Variants in ZNF536 observed in about 807,000 individuals in gnomAD.
The protein encoded by ZNF536 is zinc finger protein 536.
Under a neutral mutation model 84.5 loss-of-function variants are expected in ZNF536, and 13 were observed. The observed-to-expected ratio is 0.15, with a 90% confidence interval of 0.10 to 0.24. The LOEUF is 0.24. ZNF536 is among the 10% of genes least tolerant of loss of function. The pLI is 1.00. For missense variants in ZNF536, 1,536 were observed against 1,747.5 expected (o/e 0.88, Z 2.16); for synonymous variants, 811 against 742.5 (o/e 1.09, Z -1.50).
chr19:30,359,084 G>A (rs534976664), intron 3 of ZNF536, among the ~76,000 whole-genome samples: 125 of 152,312 alleles, frequency 8.2e-4, no homozygotes, highest in South Asian at 3.9e-3. Context: ...AGTGTGGGCC[G>A]AGTTTGTCCA....
At chr19:30,669,832 C>T (rs755075388) in intron 1 of ZNF536, among the ~76,000 whole-genome samples, 1 of 152,214 alleles carries the variant, frequency 6.6e-6, no homozygotes, top group Non-Finnish European at 1.5e-5. Context: ...CCGCTTTGTT[C>T]AATGACGTAT....
At chr19:30,551,931 CT>C (rs1427930921) in intron 4 of ZNF536, among the ~76,000 whole-genome samples, 3 of 152,134 alleles carry the variant, frequency 2.0e-5, no homozygotes, top group African/African-American at 7.2e-5. Flanking sequence ...TTGCAGTCCT[CT>C]TCTTATTTTC....
At chr19:30,670,667 G>A (rs931163625) in intron 1 of ZNF536, among the ~76,000 whole-genome samples, 2 of 152,174 alleles carry the variant, frequency 1.3e-5, no homozygotes, top group African/African-American at 4.8e-5. Flanking sequence ...GCTCTTCCTC[G>A]TGGAGTCTGA....
chr19:30,232,212 A>T (rs962939691), intron 1 of ZNF536, among the ~76,000 whole-genome samples: 17 of 152,296 alleles, frequency 1.1e-4, no homozygotes, highest in African/African-American at 3.6e-4. Flanking sequence ...GTGCCTGGTG[A>T]TAAGGGCTGC....
At chr19:30,435,051 A>C (rs1215212244) in intron 1 of ZNF536, among the ~76,000 whole-genome samples, 12 of 146,502 alleles carry the variant, frequency 8.2e-5, no homozygotes, top group Non-Finnish European at 1.5e-4. Context: ...GGTGGTGATG[A>C]TGATGCTGAT....
chr19:30,492,115 G>T (rs142179404), intron 2 of ZNF536, among the ~76,000 whole-genome samples: 1 of 152,000 alleles, frequency 6.6e-6, no homozygotes, highest in African/African-American at 2.4e-5. Context: ...TGGGCAGGTC[G>T]GATCATGAAG....
intron 1 of ZNF536, among the ~76,000 whole-genome samples, chr19:30,234,776 C>T (rs536123658): frequency 2.7e-4 from 41 of 151,842 alleles, no homozygotes; most frequent in African/African-American, 8.0e-4. Context: ...CACACACACG[C>T]GCACACGCAC....
intron 3 of ZNF536, among the ~76,000 whole-genome samples, chr19:30,543,814 G>A (rs2045433719): frequency 6.6e-6 from 1 of 152,154 alleles, no homozygotes; most frequent in East Asian, 1.9e-4. Context: ...GCCCTCTGAG[G>A]AAAGAATGCC....
At chr19:30,656,492 G>T (rs933759176) in intron 1 of ZNF536, among the ~76,000 whole-genome samples, 5 of 152,174 alleles carry the variant, frequency 3.3e-5, no homozygotes, top group African/African-American at 1.2e-4. Flanking sequence ...CTGTCTCCCT[G>T]TGCCCTGTGC....
intron 1 of ZNF536, among the ~76,000 whole-genome samples, chr19:30,647,811 C>T (rs770885183): frequency 9.2e-5 from 14 of 152,224 alleles, no homozygotes; most frequent in African/African-American, 1.4e-4. Context: ...CCTTTGCTAG[C>T]GAAACTGTTT....
rs1485540431 is a variant in ZNF536 at position 30,710,423 on chromosome 19, C to T, written c.170-334C>T. 3.3e-5 allele frequency among the ~76,000 whole-genome samples: 5 copies of T among 152,144 alleles called. No individual in the cohort carries two copies. In the East Asian group the frequency reaches 9.6e-4, roughly 29 times the overall value. On this transcript the variant is annotated intron_variant, in intron 1 of 1. Coordinates refer to the ZNF536 transcript ENST00000592773. ...TGGGCATTGTGGTGTACCTGTAGTC[C>T]CAGCTACTCTGGAGGCTAAGGCGGG... is the stretch of plus-strand genomic sequence containing the variant.
At chr19:30,500,134 T>A (rs934249833) in intron 2 of ZNF536, among the ~76,000 whole-genome samples, 1 of 152,258 alleles carries the variant, frequency 6.6e-6, no homozygotes, top group African/African-American at 2.4e-5. Flanking sequence ...TTTCTTGGGA[T>A]GGGCTTGAGT....
intron 2 of ZNF536, among the ~76,000 whole-genome samples, chr19:30,495,342 C>T (rs1351527925): frequency 6.6e-6 from 1 of 152,164 alleles, no homozygotes; most frequent in Non-Finnish European, 1.5e-5. Flanking sequence ...CTTGTGGTGT[C>T]TCTGAGCTTG....
chr19:30,483,842 G>A (rs1355800632), intron 2 of ZNF536, among the ~76,000 whole-genome samples: 1 of 152,066 alleles, frequency 6.6e-6, no homozygotes, highest in African/African-American at 2.4e-5. Context: ...GCCCACCTCT[G>A]CAGCTGTGCC....
chr19:30,399,199 G>A (rs943971925), intron 1 of ZNF536, among the ~76,000 whole-genome samples: 2 of 152,132 alleles, frequency 1.3e-5, no homozygotes, highest in Non-Finnish European at 2.9e-5. Context: ...ATGTTTGTCA[G>A]CTGCATAAAT....
chr19:30,453,078 C>A (rs991533595), intron 2 of ZNF536, among the ~76,000 whole-genome samples: 1 of 152,150 alleles, frequency 6.6e-6, no homozygotes, highest in Non-Finnish European at 1.5e-5. Context: ...CTTTTGCTGG[C>A]AGGATGGGGC....
chr19:30,699,749 G>C (rs1285976107), intron 1 of ZNF536, among the ~76,000 whole-genome samples: 1 of 152,102 alleles, frequency 6.6e-6, no homozygotes, highest in Non-Finnish European at 1.5e-5. Context: ...CAGGGTCCTG[G>C]GCTGGCATCC....
chr19:30,571,468 C>T (rs2046543005), intron 1 of ZNF536, among the ~76,000 whole-genome samples: 1 of 152,178 alleles, frequency 6.6e-6, no homozygotes, highest in Admixed American at 6.5e-5. Context: ...AGCAATCATG[C>T]CCCCTTCATT....
chr19:30,503,643 T>C (rs1315178994), intron 2 of ZNF536, among the ~76,000 whole-genome samples: 1 of 152,208 alleles, frequency 6.6e-6, no homozygotes, highest in Non-Finnish European at 1.5e-5. Flanking sequence ...TGCCTCATCA[T>C]CCCCTTGCAA....
Sources: allele counts gnomAD v4.1 joint callset (sites outside exome capture counted in the v4.1 genomes callset), GRCh38; gene constraint gnomAD v4.1.1; transcripts MANE v1.5; gene names NCBI Gene and HGNC (gene_info 2026-07-23, HGNC 2026-07-21).